Variants in CNTNAP3B observed in about 807,000 individuals in gnomAD.
CNTNAP3B encodes the protein contactin associated protein family member 3B.
In CNTNAP3B, 25 loss-of-function variants were observed where a neutral mutation model predicts 108.9. That is an observed-to-expected ratio of 0.23 (90% confidence interval 0.17 to 0.32). The LOEUF (loss-of-function observed/expected upper bound fraction) is 0.32. CNTNAP3B is among the 10% of genes least tolerant of loss of function. The probability of loss-of-function intolerance (pLI) is 1.00; values close to 1 mark genes in which losing one functional copy is unlikely to be tolerated. For missense variants in CNTNAP3B, 252 were observed against 1,210.4 expected (o/e 0.21, Z 11.75); for synonymous variants, 103 against 473.4 (o/e 0.22, Z 10.16).
chr9:41,953,320 C>A lies in CNTNAP3B; in HGVS notation c.1943G>T (p.Ser648Ile), dbSNP rs777123240. The A allele has an allele frequency of 9.7e-6, 15 of 1,545,652 alleles. No homozygotes were observed. Among genetic ancestry groups the A allele is most frequent in the Non-Finnish European group, 1.2e-5 (14 of 1,153,396 alleles). ...GGACACAGCCGAGAGCGGGTGCCCG[C>A]TGGGGGCACCTCGGAGGGTCACCGC... is the stretch of plus-strand genomic sequence containing the variant. ...PDAVTLRGAP[S>I]GHPLSAVSFA... The change falls in exon 13 of 24, where the codon AGC becomes ATC. Residue 648 changes from serine (S) to isoleucine (I), a missense_variant. Physicochemically the swap from Ser to Ile is moderately radical, Grantham distance 142. Coordinates refer to ENST00000377561, the MANE Select transcript of CNTNAP3B (RefSeq NM_001201380.3).
chr9:42,055,356 CTTTGA>C (rs1827046175), intron 3 of CNTNAP3B, among the ~76,000 whole-genome samples: 1 of 138,102 alleles, frequency 7.2e-6, no homozygotes, highest in Non-Finnish European at 1.5e-5. Context: ...TTACCTTATT[CTTTGA>C]TTTTAGAAAA....
At chr9:41,936,953 G>A (rs1239661953) in intron 14 of CNTNAP3B, among the ~76,000 whole-genome samples, 15 of 152,306 alleles carry the variant, frequency 9.8e-5, no homozygotes, top group African/African-American at 2.9e-4. Flanking sequence ...ATTTTTTAAA[G>A]TGATGCAAAG....
rs1352925128 is a variant in CNTNAP3B at position 42,116,591 on chromosome 9, A to G, written c.86-11852T>C. 4.3e-5 allele frequency among the ~76,000 whole-genome samples: 6 copies of G among 139,300 alleles called. No individual in the cohort carries two copies. The East Asian group carries it at 8.7e-4, about 20-fold the overall frequency. 91.4% of individuals were successfully genotyped at this position (139,300 alleles called of 152,430 possible). A position where few individuals can be genotyped will look rare whatever the true frequency, so the allele number is the denominator to read the frequency against. On this transcript the variant is annotated intron_variant, in intron 1 of 23. Transcript: ENST00000377561. ...AACATGCCAAATTGTAAAGACCATC[A>G]AGGCTAGGAAGAAACTGCATCAACT...
chr9:41,930,921 T>C (rs1218191052), intron 14 of CNTNAP3B, among the ~76,000 whole-genome samples: 2 of 152,362 alleles, frequency 1.3e-5, no homozygotes, highest in Admixed American at 6.5e-5. Flanking sequence ...TATATGCATA[T>C]ATAATAAAAT....
chr9:42,097,460 T>C (rs1298164868), intron 2 of CNTNAP3B, among the ~76,000 whole-genome samples: 1 of 140,232 alleles, frequency 7.1e-6, no homozygotes, highest in Non-Finnish European at 1.5e-5. Flanking sequence ...GTGAAATTTG[T>C]ATTTGTTACT....
At position 42,120,772 on chromosome 9, in the gene CNTNAP3B, C is replaced by T. The variant is rs28739399; in HGVS notation, c.85+8238G>A. On this transcript the variant is annotated intron_variant, in intron 1 of 23. Transcript: ENST00000377561. ...TCACTCATAGGTGGGAACTGAACAG[C>T]GAGAACACATGGACACAGGAAGGGG... Among the ~76,000 whole-genome samples the T allele has an allele frequency of 8.9e-5, 10 of 111,972 alleles. 1 individual carries two copies. The highest frequency in any genetic ancestry group is 2.7e-4 in the East Asian group (1 of 3,640). 73.5% of individuals were successfully genotyped at this position (111,972 alleles called of 152,430 possible).
rs1457702747 is a variant in CNTNAP3B, at chr9:42,014,836, G to A, written c.391-1311C>T. Among the ~76,000 whole-genome samples, 7 of 57,186 alleles carry A rather than the reference G, an allele frequency of 1.2e-4. No individual in the cohort carries two copies. The South Asian group carries it at 3.2e-3, about 26-fold the overall frequency. The allele number at this position is 57,186 out of a possible 152,430, so 37.5% of individuals were successfully genotyped here. A position where few individuals can be genotyped will look rare whatever the true frequency, so the allele number is the denominator to read the frequency against. On this transcript the variant is annotated intron_variant, in intron 3 of 23. Transcript: ENST00000377561. ...AATGTACCAGGCTTAACAACAAAAC[G>A]AAGAGAATAAAGATCAGCCTGCCTC...
chr9:42,087,377 T>C (rs535050824), intron 2 of CNTNAP3B, among the ~76,000 whole-genome samples: 88 of 130,564 alleles, frequency 6.7e-4, no homozygotes, highest in African/African-American at 2.5e-3. Context: ...TGGTTGTTTA[T>C]GCAGCTGGTA....
intron 3 of CNTNAP3B, among the ~76,000 whole-genome samples, chr9:42,055,469 G>A (rs965578893): frequency 2.1e-5 from 3 of 144,726 alleles, no homozygotes; most frequent in Non-Finnish European, 3.0e-5. Flanking sequence ...CACTGAAAGA[G>A]AACTGTACTA....
At chr9:41,972,527 T>C (rs1825439218) in intron 9 of CNTNAP3B, among the ~76,000 whole-genome samples, 2 of 138,710 alleles carry the variant, frequency 1.4e-5, no homozygotes, top group South Asian at 2.3e-4. Flanking sequence ...AAGCTTTATC[T>C]CTTTAACTTT....
intron 2 of CNTNAP3B, among the ~76,000 whole-genome samples, chr9:42,090,069 T>A (rs1296312503): frequency 7.2e-6 from 1 of 138,906 alleles, no homozygotes; most frequent in African/African-American, 2.9e-5. Context: ...ATCCATTTCA[T>A]CCCTACTCCT....
chr9:41,959,548 T>C (rs1404945107), intron 12 of CNTNAP3B, among the ~76,000 whole-genome samples: 113 of 152,348 alleles, frequency 7.4e-4, no homozygotes, highest in Non-Finnish European at 1.2e-3. Flanking sequence ...TCTTTTGATA[T>C]CCACCAAGAC....
intron 14 of CNTNAP3B, among the ~76,000 whole-genome samples, chr9:41,930,858 A>G (rs1462337171): frequency 6.6e-6 from 1 of 152,220 alleles, no homozygotes; most frequent in Non-Finnish European, 1.5e-5. Context: ...GTATTTTATT[A>G]TATATGTGTA....
chr9:41,980,917 CA>C (rs1327160618), intron 9 of CNTNAP3B, among the ~76,000 whole-genome samples: 1 of 131,942 alleles, frequency 7.6e-6, no homozygotes, highest in Non-Finnish European at 1.6e-5. Context: ...GAGAGAGAAA[CA>C]AAAGGCATCT....
chr9:41,934,122 T>TATATACATATATATAC (rs1214326050), intron 14 of CNTNAP3B, among the ~76,000 whole-genome samples: 1 of 73,474 alleles, frequency 1.4e-5, no homozygotes. Context: ...TATATATATA[T>TATATACATATATATAC]ACACACACAT....
At chr9:41,964,938 C>A (rs1413041957) in intron 10 of CNTNAP3B, among the ~76,000 whole-genome samples, 2 of 152,222 alleles carry the variant, frequency 1.3e-5, no homozygotes, top group Non-Finnish European at 2.9e-5. Context: ...AAACCAATTA[C>A]ACACATAAAA....
chr9:42,084,604 TA>T (rs893308620), intron 2 of CNTNAP3B, among the ~76,000 whole-genome samples: 16 of 29,864 alleles, frequency 5.4e-4, no homozygotes, highest in African/African-American at 1.7e-3. Flanking sequence ...GTCCACCCCC[TA>T]AAAAAAAAGA....
At chr9:41,923,135 T>C (rs1588041257) in intron 16 of CNTNAP3B, among the ~76,000 whole-genome samples, 1 of 131,248 alleles carries the variant, frequency 7.6e-6, no homozygotes, top group African/African-American at 3.0e-5. Flanking sequence ...TCCTAAATAG[T>C]AGAGATATGT....
intron 3 of CNTNAP3B, among the ~76,000 whole-genome samples, chr9:42,051,470 GA>G (rs1171682478): frequency 3.6e-5 from 3 of 82,602 alleles, no homozygotes; most frequent in Admixed American, 1.3e-4. Flanking sequence ...CTCAGATGAA[GA>G]AAAAAAATCT....
Sources: gnomAD v4.1 joint callset for allele counts (sites outside exome capture counted in the v4.1 genomes callset) on GRCh38, gnomAD v4.1.1 for gene constraint, MANE v1.5 for transcripts, NCBI Gene and HGNC (gene_info 2026-07-23, HGNC 2026-07-21) for gene names.